SLC9A9: variants seen among roughly 807,000 people sequenced by gnomAD.
The protein encoded by SLC9A9 is solute carrier family 9 member A9, also known as sodium/hydrogen exchanger 9.
SLC9A9 carries 62 observed loss-of-function variants against 77.8 expected under a neutral mutation model. That is an observed-to-expected ratio of 0.80 (90% CI 0.65 to 0.98). The LOEUF (loss-of-function observed/expected upper bound fraction) is 0.98. SLC9A9 is among the 50% of genes least tolerant of loss of function. The pLI is 0.00. For synonymous variants in SLC9A9, 320 were observed against 283.5 expected, an observed-to-expected ratio of 1.13 and a Z score of -1.29; for missense variants, 775 against 774.9, an observed-to-expected ratio of 1.00 and a Z score of 0.00.
intron 1 of SLC9A9, 99 bp downstream of exon 1, chr3:143,848,049 C>A: frequency 8.7e-7 from 1 of 1,148,066 alleles, no homozygotes; most frequent in Non-Finnish European, 1.3e-6. Flanking sequence ...TTTCAATCAG[C>A]ACATTTTCTC....
At chr3:143,638,668 G>A (rs894073356) in intron 6 of SLC9A9, among the ~76,000 whole-genome samples, 21 of 152,340 alleles carry the variant, frequency 1.4e-4, no homozygotes, top group Admixed American at 1.4e-3. Context: ...ATTAACAAGG[G>A]AGCTAGGCAT....
chr3:143,670,904 C>A (rs9846987), intron 5 of SLC9A9, among the ~76,000 whole-genome samples: 6 of 152,156 alleles, frequency 3.9e-5, no homozygotes, highest in East Asian at 1.9e-4. Context: ...AAAGTGGGAA[C>A]TTGACTCTTG....
chr3:143,517,363 C>A, intron 9 of SLC9A9: 5 of 1,356,794 alleles, frequency 3.7e-6, no homozygotes, highest in Non-Finnish European at 5.2e-6. Flanking sequence ...AATTACCAGG[C>A]ATTCTCCCAG....
chr3:143,618,250 C>T (rs1177466160), intron 6 of SLC9A9, among the ~76,000 whole-genome samples: 1 of 152,176 alleles, frequency 6.6e-6, no homozygotes. Flanking sequence ...ATGTGGCCAA[C>T]TGATTGAACT....
At chr3:143,739,028 G>A (rs576580056) in intron 4 of SLC9A9, among the ~76,000 whole-genome samples, 3 of 152,136 alleles carry the variant, frequency 2.0e-5, no homozygotes, top group African/African-American at 7.2e-5. Flanking sequence ...CTGGCCATTG[G>A]TGAATGAACT....
At chr3:143,307,526 T>C (rs1048782144) in intron 14 of SLC9A9, among the ~76,000 whole-genome samples, 2 of 152,208 alleles carry the variant, frequency 1.3e-5, no homozygotes, top group African/African-American at 4.8e-5. Context: ...GAGTAAGCTG[T>C]AGATGCCTTG....
At chr3:143,388,209 C>A (rs1208930230) in intron 12 of SLC9A9, among the ~76,000 whole-genome samples, 1 of 152,164 alleles carries the variant, frequency 6.6e-6, no homozygotes, top group Non-Finnish European at 1.5e-5. Context: ...GGGCCAACAT[C>A]TGCTACTGAA....
chr3:143,527,045 C>T (rs556105648), intron 9 of SLC9A9, among the ~76,000 whole-genome samples: 1 of 152,258 alleles, frequency 6.6e-6, no homozygotes, highest in Non-Finnish European at 1.5e-5. Flanking sequence ...TTTTTTACAT[C>T]TCTAGTTCTG....
chr3:143,279,049 T>G (rs1205394081), intron 14 of SLC9A9, among the ~76,000 whole-genome samples: 1 of 94,276 alleles, frequency 1.1e-5, no homozygotes, highest in African/African-American at 1.9e-4. Flanking sequence ...TTAGCTAACA[T>G]TTTTTTCACT....
At chr3:143,568,721 T>C (rs1038539662) in intron 8 of SLC9A9, among the ~76,000 whole-genome samples, 1 of 152,174 alleles carries the variant, frequency 6.6e-6, no homozygotes. Context: ...ATTTATTTTG[T>C]GCCCACAATG....
At chr3:143,291,474 G>T (rs1231120369) in intron 14 of SLC9A9, among the ~76,000 whole-genome samples, 1 of 152,190 alleles carries the variant, frequency 6.6e-6, no homozygotes, top group Non-Finnish European at 1.5e-5. Context: ...CTACCCACTT[G>T]TGAGGCTGGC....
At chr3:143,567,088 C>T (rs571869349) in intron 8 of SLC9A9, among the ~76,000 whole-genome samples, 2 of 152,192 alleles carry the variant, frequency 1.3e-5, no homozygotes, top group South Asian at 4.2e-4. Flanking sequence ...AAAAATTCTA[C>T]CTGATCCAAA....
intron 2 of SLC9A9, among the ~76,000 whole-genome samples, chr3:143,826,813 C>T (rs192266950): frequency 6.6e-6 from 1 of 152,158 alleles, no homozygotes; most frequent in Admixed American, 6.5e-5. Context: ...CCCCTATCAT[C>T]AGAGTCAATC....
intron 4 of SLC9A9, among the ~76,000 whole-genome samples, chr3:143,785,195 A>G (rs991738986): frequency 2.6e-5 from 4 of 152,168 alleles, no homozygotes; most frequent in Admixed American, 6.5e-5. Context: ...CTATTTCCCT[A>G]TGTATTGAAT....
chr3:143,495,583 C>T (rs941531246), intron 9 of SLC9A9, 135 bp from the exon 10 acceptor site: 2 of 672,760 alleles, frequency 3.0e-6, no homozygotes, highest in Non-Finnish European at 5.3e-6. Context: ...TGTGCTTAGC[C>T]TCTGAAGGAG....
chr3:143,315,532 G>C (rs1235112846), intron 14 of SLC9A9, among the ~76,000 whole-genome samples: 1 of 152,152 alleles, frequency 6.6e-6, no homozygotes, highest in Non-Finnish European at 1.5e-5. Context: ...TCCGTAGCTG[G>C]TCCTAGCCAA....
intron 8 of SLC9A9, among the ~76,000 whole-genome samples, chr3:143,563,825 A>T (rs1004493053): frequency 1.3e-5 from 2 of 152,152 alleles, no homozygotes; most frequent in Non-Finnish European, 2.9e-5. Context: ...TGTCTGTAAT[A>T]TAAATGGTTC....
At chr3:143,556,187 G>T (rs756220401) in intron 8 of SLC9A9, among the ~76,000 whole-genome samples, 2 of 152,220 alleles carry the variant, frequency 1.3e-5, no homozygotes, top group Non-Finnish European at 2.9e-5. Context: ...TTGTGAAGCT[G>T]TTATGTGAGG....
chr3:143,700,914 T>C (rs1576668509), intron 4 of SLC9A9, among the ~76,000 whole-genome samples: 1 of 152,150 alleles, frequency 6.6e-6, no homozygotes, highest in South Asian at 2.1e-4. Context: ...GCCACAGGGG[T>C]ACTTGTTTCA....
Sources: gnomAD v4.1 joint callset for allele counts (sites outside exome capture counted in the v4.1 genomes callset) on GRCh38, gnomAD v4.1.1 for gene constraint, MANE v1.5 for transcripts, NCBI Gene and HGNC (gene_info 2026-07-23, HGNC 2026-07-21) for gene names.